Variants in GAB1 observed in about 807,000 individuals in gnomAD.
GAB1 encodes the protein GRB2-associated-binding protein 1.
Under a neutral mutation model 66.5 loss-of-function variants are expected in GAB1, and 19 were observed. That is an observed-to-expected ratio of 0.29 (90% CI 0.20 to 0.42). GAB1 has a LOEUF of 0.42. GAB1 is among the 10% of genes least tolerant of loss of function. GAB1 has a pLI of 1.00. For synonymous variants in GAB1, 294 were observed against 301.4 expected (o/e 0.98, Z 0.25); for missense variants, 732 against 858.5 (o/e 0.85, Z 1.84).
rs1734164361 is a variant in GAB1 at position 143,440,387 on chromosome 4, G to C, written c.1585+5G>C. The C allele has an allele frequency of 3.1e-6, 5 of 1,597,842 alleles. No individual in the cohort carries two copies. The highest frequency in any genetic ancestry group is 4.3e-6 in the Non-Finnish European group (5 of 1,172,244). On this transcript the variant is annotated splice_donor_5th_base_variant and intron_variant, in intron 6 of 9. Transcript: ENST00000262994. ...ACCTCAAGCCAGACAGAAAAGGTAA[G>C]GAGAGCATGGCAAAGTAAAAGGCTT...
At chr4:143,369,810 C>T (rs761576236) in intron 1 of GAB1, among the ~76,000 whole-genome samples, 10 of 152,236 alleles carry the variant, frequency 6.6e-5, no homozygotes, top group Non-Finnish European at 1.3e-4. Flanking sequence ...GAGACTCATA[C>T]GTTGTGACCC....
At chr4:143,460,139 C>A (rs1332133828) in intron 7 of GAB1, among the ~76,000 whole-genome samples, 1 of 151,962 alleles carries the variant, frequency 6.6e-6, no homozygotes, top group African/African-American at 2.4e-5. Flanking sequence ...TTTTGTTTTA[C>A]ACAAAATATT....
chr4:143,431,758 C>T (rs886354901), intron 2 of GAB1, among the ~76,000 whole-genome samples: 1 of 152,154 alleles, frequency 6.6e-6, no homozygotes, highest in African/African-American at 2.4e-5. Flanking sequence ...CTTCCAAGGA[C>T]GTAAAACAAG....
intron 1 of GAB1, among the ~76,000 whole-genome samples, chr4:143,346,171 A>G (rs955279161): frequency 6.6e-6 from 1 of 152,216 alleles, no homozygotes; most frequent in African/African-American, 2.4e-5. Flanking sequence ...TTGTGTCCCA[A>G]TCTTTACACA....
intron 1 of GAB1, among the ~76,000 whole-genome samples, chr4:143,408,495 A>G (rs529119990): frequency 1.5e-4 from 23 of 152,260 alleles, no homozygotes; most frequent in African/African-American, 5.3e-4. Flanking sequence ...CAGTTATTTC[A>G]CACAAATGGA....
intron 1 of GAB1, among the ~76,000 whole-genome samples, chr4:143,338,197 C>G (rs768805210): frequency 1.3e-5 from 2 of 152,190 alleles, no homozygotes; most frequent in Non-Finnish European, 2.9e-5. Flanking sequence ...CTTATTCTTC[C>G]TCCCCATTGG....
At chr4:143,397,745 C>T (rs1731523274) in intron 1 of GAB1, among the ~76,000 whole-genome samples, 1 of 152,138 alleles carries the variant, frequency 6.6e-6, no homozygotes, top group Admixed American at 6.5e-5. Context: ...TGTGAAATTC[C>T]CCCACTTTCT....
rs1472832016 is a variant in GAB1 at position 143,415,771 on chromosome 4, G to C, written c.367G>C (p.Asp123His). The change falls in exon 2 of 10, where the codon GAT (aspartate) becomes CAT (histidine). Residue 123 changes from aspartate (D) to histidine (H), a missense_variant and splice_region_variant. This residue lies in a region of GAB1 where 66 missense variants were observed against 130.3 expected (regional missense o/e 0.51). Transcript: ENST00000262994. ...CTGTGGGTTTAATCCAACAGAAGAA[G>C]GTAAGTTCAAGATATTACTATTCAA... is the stretch of plus-strand genomic sequence containing the variant. ...DICGFNPTEE[D>H]PVKPPGSSLQ... The C allele has an allele frequency of 1.3e-6, 2 of 1,594,934 alleles. No individual in the cohort carries two copies. The highest frequency in any genetic ancestry group is 1.7e-6 in the Non-Finnish European group (2 of 1,168,496).
intron 8 of GAB1, 91 bp downstream of exon 8, chr4:143,460,578 CT>C: frequency 8.9e-7 from 1 of 1,117,490 alleles, no homozygotes; most frequent in Non-Finnish European, 1.3e-6. Flanking sequence ...ATCCTCGTAT[CT>C]TTATATACTT....
intron 3 of GAB1, 64 bp from the exon 4 acceptor site, chr4:143,437,935 G>A: frequency 5.5e-6 from 8 of 1,457,616 alleles, no homozygotes; most frequent in South Asian, 5.3e-5. Context: ...CGATAAACAT[G>A]TTTATAAAAA....
chr4:143,366,619 A>G (rs1028462845), intron 1 of GAB1, among the ~76,000 whole-genome samples: 1 of 151,954 alleles, frequency 6.6e-6, no homozygotes, highest in African/African-American at 2.4e-5. Flanking sequence ...TTCCCTCACT[A>G]TCACCTCATA....
At chr4:143,368,663 G>A (rs1376524370) in intron 1 of GAB1, among the ~76,000 whole-genome samples, 1 of 151,914 alleles carries the variant, frequency 6.6e-6, no homozygotes, top group Non-Finnish European at 1.5e-5. Context: ...TACTTATAAA[G>A]TTATATTTAT....
rs1736035586 is a variant in GAB1 at position 143,470,765 on chromosome 4, A to G, written c.*1576A>G. The G allele has an allele frequency of 2.6e-5, 4 of 152,254 alleles. No homozygotes were observed. Among genetic ancestry groups the G allele is most frequent in the Admixed American group, 1.3e-4 (2 of 15,278 alleles). 9.4% of individuals were successfully genotyped at this position (152,254 alleles called of 1,614,324 possible). A position where few individuals can be genotyped will look rare whatever the true frequency, so the allele number is the denominator to read the frequency against. ...CTCTAACTGTTGCCTGAGTACACAG[A>G]TGTGCCCTGATTTCTGGCCCATTGG... On this transcript the variant is annotated 3_prime_UTR_variant, in exon 10 of 10. Coordinates refer to ENST00000262994, the MANE Select transcript of GAB1 (RefSeq NM_002039.4).
rs377740518 is a variant in GAB1 at position 143,451,843 on chromosome 4, T to C, written c.1586-7542T>C. On this transcript the variant is annotated intron_variant, in intron 6 of 9. Transcript: ENST00000262994. Reference sequence around the variant, plus strand: ...AGTATAAGCGGAACTCATACAGCCATACAGTGCGAGTTCATCACTTTCAGA... The same window carrying C: ...AGTATAAGCGGAACTCATACAGCCACACAGTGCGAGTTCATCACTTTCAGA... 3.3e-5 allele frequency among the ~76,000 whole-genome samples: 5 copies of C among 151,930 alleles called. No individual in the cohort carries two copies. In the South Asian group the frequency reaches 8.3e-4, roughly 25 times the overall value.
At chr4:143,399,897 G>A (rs1422196619) in intron 1 of GAB1, among the ~76,000 whole-genome samples, 5 of 151,018 alleles carry the variant, frequency 3.3e-5, no homozygotes, top group Admixed American at 6.6e-5. Context: ...TTTATCTTAC[G>A]TGGAGCATTT....
chr4:143,448,320 A>G (rs187519004), intron 6 of GAB1, among the ~76,000 whole-genome samples: 5 of 151,932 alleles, frequency 3.3e-5, no homozygotes, highest in African/African-American at 9.7e-5. Flanking sequence ...TGAGTTAGGG[A>G]GGATTCCCTC....
chr4:143,403,532 T>C (rs755720552), intron 1 of GAB1, among the ~76,000 whole-genome samples: 4 of 152,254 alleles, frequency 2.6e-5, no homozygotes, highest in Admixed American at 6.5e-5. Context: ...CTTTCTTGTA[T>C]GGTGAGATCA....
chr4:143,390,284 G>A (rs921732019), intron 1 of GAB1, among the ~76,000 whole-genome samples: 12 of 151,946 alleles, frequency 7.9e-5, no homozygotes, highest in Non-Finnish European at 1.5e-4. Context: ...GTGTTTGTGG[G>A]CAAACCAAAT....
At chr4:143,446,212 G>A (rs1239468497) in intron 6 of GAB1, among the ~76,000 whole-genome samples, 221 of 152,108 alleles carry the variant, frequency 1.5e-3, no homozygotes, top group Middle Eastern at 3.4e-3. Flanking sequence ...ATTTAGGTTG[G>A]TTCCAAGTCT....
Sources: gnomAD v4.1 joint callset for allele counts (sites outside exome capture counted in the v4.1 genomes callset) on GRCh38, gnomAD v4.1.1 for gene constraint, gnomAD v4.1.1 regional missense constraint, MANE v1.5 for transcripts, NCBI Gene and HGNC (gene_info 2026-07-23, HGNC 2026-07-21) for gene names.